Variants in RNF150 observed in about 807,000 individuals in gnomAD.
The protein encoded by RNF150 is ring finger protein 150.
RNF150 carries 24 observed loss-of-function variants against 39.3 expected under a neutral mutation model. That is an observed-to-expected ratio of 0.61 (90% CI 0.44 to 0.86). The LOEUF (loss-of-function observed/expected upper bound fraction) is 0.86, where lower values mean the gene tolerates loss of function less well. Ranked by LOEUF, RNF150 falls within the 40% of genes least tolerant of loss-of-function variation. The pLI, the probability that RNF150 is intolerant of heterozygous loss-of-function variation, is 0.00. For missense variants in RNF150, 502 were observed against 587.8 expected (o/e 0.85, Z 1.51); for synonymous variants, 255 against 227.3 (o/e 1.12, Z -1.10).
chr4:141,032,008 GTGTATATA>G (rs1735965036), intron 1 of RNF150, among the ~76,000 whole-genome samples: 1 of 151,472 alleles, frequency 6.6e-6, no homozygotes, highest in South Asian at 2.1e-4. Context: ...GATGTAGTAT[GTGTATATA>G]TGTATATATA....
Position 140,868,101 on chromosome 4 carries a change from C to G in RNF150, c.*160G>C. The stretch of plus-strand genomic sequence containing the variant: ...GATGGAGAAACTGCATCCTGATTGA[C>G]AAGACTTTGGATATTGCTTTTCGTC... On this transcript the variant is annotated 3_prime_UTR_variant, in exon 7 of 7. Transcript: ENST00000515673. 1 of 573,452 alleles carries G rather than the reference C, an allele frequency of 1.7e-6. No homozygotes were observed. The highest frequency in any genetic ancestry group is 3.1e-6 in the Non-Finnish European group (1 of 321,968). The allele number at this position is 573,452 out of a possible 1,614,324, so 35.5% of individuals were successfully genotyped here. A position where few individuals can be genotyped will look rare whatever the true frequency, so the allele number is the denominator to read the frequency against.
At chr4:140,955,146 A>G (rs1238581727) in intron 2 of RNF150, among the ~76,000 whole-genome samples, 5 of 152,234 alleles carry the variant, frequency 3.3e-5, no homozygotes, top group Admixed American at 2.6e-4. Flanking sequence ...TGATCCTTCC[A>G]GGACTGGTTG....
chr4:141,136,401 C>G (rs570101739), upstream of RNF150, among the ~76,000 whole-genome samples: 2 of 152,308 alleles, frequency 1.3e-5, no homozygotes, highest in South Asian at 4.1e-4. Context: ...ACTAGCTACA[C>G]TTTCAGAGAA....
At chr4:141,050,230 T>A (rs1224986852) in intron 1 of RNF150, among the ~76,000 whole-genome samples, 1 of 149,292 alleles carries the variant, frequency 6.7e-6, no homozygotes, top group East Asian at 1.9e-4. Flanking sequence ...ATTTTTATTA[T>A]TTTTTTTTCC....
At chr4:140,941,597 C>A (rs1210293252) in intron 4 of RNF150, among the ~76,000 whole-genome samples, 1 of 152,062 alleles carries the variant, frequency 6.6e-6, no homozygotes, top group Admixed American at 6.6e-5. Flanking sequence ...TACCTAAAGC[C>A]AGCTAATCTA....
chr4:141,115,705 C>T (rs1739528963), intron 1 of RNF150, among the ~76,000 whole-genome samples: 1 of 152,136 alleles, frequency 6.6e-6, no homozygotes, highest in Admixed American at 6.5e-5. Flanking sequence ...GCAAAAAGAA[C>T]AAAGCTGGAG....
chr4:140,994,184 G>A (rs1171680763), intron 1 of RNF150, among the ~76,000 whole-genome samples: 1 of 152,200 alleles, frequency 6.6e-6, no homozygotes, highest in African/African-American at 2.4e-5. Flanking sequence ...CATGTTTGGA[G>A]TGGAAATCCA....
intron 5 of RNF150, among the ~76,000 whole-genome samples, chr4:140,919,097 C>G (rs199850969): frequency 0.53 from 73,552 of 140,034 alleles, 19,402 homozygotes; most frequent in East Asian, 0.87. Flanking sequence ...TGGGCAAAAA[C>G]TGGAAGCATT....
At chr4:141,159,212 G>A (rs1344366374) in intron 1 of RNF150, among the ~76,000 whole-genome samples, 2 of 152,104 alleles carry the variant, frequency 1.3e-5, no homozygotes, top group Non-Finnish European at 2.9e-5. Flanking sequence ...AGGCTCTGTG[G>A]GTCATCTAGG....
chr4:141,178,726 G>T (rs1645026037), intron 1 of RNF150, among the ~76,000 whole-genome samples: 1 of 150,594 alleles, frequency 6.6e-6, no homozygotes, highest in Middle Eastern at 3.4e-3. Context: ...GATCCATGTG[G>T]ATGCTAGTTC....
At chr4:140,943,345 C>A (rs140730311) in intron 4 of RNF150, among the ~76,000 whole-genome samples, 4 of 151,988 alleles carry the variant, frequency 2.6e-5, no homozygotes, top group African/African-American at 9.7e-5. Context: ...CTTAAAGTTG[C>A]AAAATAAGCA....
At chr4:141,206,060 C>G (rs1728368326) in intron 1 of RNF150, among the ~76,000 whole-genome samples, 1 of 152,156 alleles carries the variant, frequency 6.6e-6, no homozygotes, top group South Asian at 2.1e-4. Context: ...TTGGGGTCTG[C>G]TTTGCTGTCG....
chr4:141,203,456 A>C (rs1728322755), intron 1 of RNF150, among the ~76,000 whole-genome samples: 2 of 151,778 alleles, frequency 1.3e-5, no homozygotes, highest in South Asian at 4.2e-4. Flanking sequence ...GATTATAACA[A>C]AAAATGTGGA....
chr4:140,970,274 G>A (rs80249733), intron 1 of RNF150, among the ~76,000 whole-genome samples: 1 of 152,260 alleles, frequency 6.6e-6, no homozygotes, highest in East Asian at 1.9e-4. Context: ...TTCTTACAAT[G>A]TGATAAGCAG....
chr4:140,924,924 C>T (rs564265551), intron 5 of RNF150, among the ~76,000 whole-genome samples: 58 of 152,270 alleles, frequency 3.8e-4, no homozygotes, highest in African/African-American at 1.3e-3. Flanking sequence ...GCTTCAGGTG[C>T]GCCCTCTCCA....
intron 1 of RNF150, among the ~76,000 whole-genome samples, chr4:141,153,731 T>C (rs1727338548): frequency 1.3e-5 from 2 of 152,178 alleles, no homozygotes; most frequent in Non-Finnish European, 1.5e-5. Flanking sequence ...ATTACATATT[T>C]TTCTATTTGT....
chr4:141,112,711 C>T (rs1361291230), intron 1 of RNF150, among the ~76,000 whole-genome samples: 1 of 152,050 alleles, frequency 6.6e-6, no homozygotes, highest in Non-Finnish European at 1.5e-5. Context: ...CTTGGGGTTG[C>T]TCTTCTTGAG....
intron 1 of RNF150, among the ~76,000 whole-genome samples, chr4:141,207,345 T>TAC (rs1728390587): frequency 6.6e-6 from 1 of 152,072 alleles, no homozygotes; most frequent in Non-Finnish European, 1.5e-5. Context: ...TGGCTGGAAT[T>TAC]AGAGAGATGC....
chr4:141,036,246 A>T (rs990472944), intron 1 of RNF150, among the ~76,000 whole-genome samples: 1 of 152,072 alleles, frequency 6.6e-6, no homozygotes, highest in South Asian at 2.1e-4. Flanking sequence ...GCTGTGCTTT[A>T]TATGTTTTGG....
Sources: gnomAD v4.1 joint callset for allele counts (sites outside exome capture counted in the v4.1 genomes callset) on GRCh38, gnomAD v4.1.1 for gene constraint, MANE v1.5 for transcripts, NCBI Gene and HGNC (gene_info 2026-07-23, HGNC 2026-07-21) for gene names.